PRKN: variants seen among roughly 807,000 people sequenced by gnomAD.
PRKN encodes E3 ubiquitin-protein ligase parkin.
In PRKN, 56 loss-of-function variants were observed where a neutral mutation model predicts 59.5. The ratio of observed to expected loss-of-function variants is 0.94; its 90% CI spans 0.76 to 1.18. The LOEUF is 1.18. Among genes scored for constraint, PRKN ranks in the 50% most tolerant of loss-of-function variants. PRKN has a pLI of 0.00. For missense variants in PRKN, 657 were observed against 596.4 expected (o/e 1.10, Z -1.06); for synonymous variants, 250 against 222.1 (o/e 1.13, Z -1.12).
intron 2 of PRKN, 89 bp downstream of exon 2, chr6:162,443,221 T>G: frequency 7.5e-7 from 1 of 1,328,942 alleles, no homozygotes. Context: ...TTCTATTAGA[T>G]CTCAGGCATG....
chr6:162,365,705 C>T (rs1034429896), intron 2 of PRKN, among the ~76,000 whole-genome samples: 2 of 152,094 alleles, frequency 1.3e-5, no homozygotes, highest in Non-Finnish European at 2.9e-5. Context: ...TTCTAGAGCT[C>T]CTGTTCTACA....
intron 9 of PRKN, among the ~76,000 whole-genome samples, chr6:161,430,464 A>C (rs1373796318): frequency 6.6e-6 from 1 of 152,214 alleles, no homozygotes; most frequent in Non-Finnish European, 1.5e-5. Flanking sequence ...GATTGTCAGT[A>C]AATGCACTGC....
intron 10 of PRKN, among the ~76,000 whole-genome samples, chr6:161,365,662 C>T (rs6942109): frequency 0.44 from 66,656 of 152,004 alleles, 16,129 homozygotes; most frequent in African/African-American, 0.64. Flanking sequence ...CTCTGACTTC[C>T]GATCCCCCGA....
intron 2 of PRKN, among the ~76,000 whole-genome samples, chr6:162,300,247 G>C (rs561412681): frequency 3.4e-5 from 5 of 146,026 alleles, no homozygotes; most frequent in African/African-American, 1.3e-4. Context: ...TCTGAACACA[G>C]TGGCTTTTCT....
chr6:162,694,209 T>C (rs1777884981), intron 1 of PRKN, among the ~76,000 whole-genome samples: 1 of 130,366 alleles, frequency 7.7e-6, no homozygotes, highest in South Asian at 2.4e-4. Context: ...ATCGTGCCAC[T>C]GCACTCCAGC....
At chr6:161,431,818 G>A (rs545707600) in intron 9 of PRKN, among the ~76,000 whole-genome samples, 1 of 152,154 alleles carries the variant, frequency 6.6e-6, no homozygotes, top group South Asian at 2.1e-4. Context: ...TCACCATATT[G>A]GCCAGGCTGG....
chr6:161,648,801 A>G (rs1363421992), intron 7 of PRKN, among the ~76,000 whole-genome samples: 1 of 152,212 alleles, frequency 6.6e-6, no homozygotes, highest in African/African-American at 2.4e-5. Flanking sequence ...ATTTCACAGA[A>G]TGTCACAGTG....
intron 9 of PRKN, among the ~76,000 whole-genome samples, chr6:161,432,260 T>C (rs1788678233): frequency 6.6e-6 from 1 of 152,210 alleles, no homozygotes; most frequent in Non-Finnish European, 1.5e-5. Flanking sequence ...ATAACTCATC[T>C]TGCAAGATAG....
chr6:162,521,788 A>C (rs141978316), intron 1 of PRKN, among the ~76,000 whole-genome samples: 246 of 152,282 alleles, frequency 1.6e-3, no homozygotes, highest in Middle Eastern at 3.4e-3. Flanking sequence ...ACAAAATATT[A>C]TATGGTTCAA....
intron 6 of PRKN, among the ~76,000 whole-genome samples, chr6:161,920,955 A>G (rs1187768954): frequency 6.6e-6 from 1 of 152,090 alleles, no homozygotes; most frequent in Non-Finnish European, 1.5e-5. Flanking sequence ...GTTACACTAA[A>G]TGTATACAAC....
In PRKN at chr6:162,101,749, T is replaced by C. The variant is rs572371497; in HGVS notation, c.535-47575A>G. Among the ~76,000 whole-genome samples, 44 of 152,250 alleles carry C rather than the reference T, an allele frequency of 2.9e-4. No homozygotes were observed. In the South Asian group the frequency reaches 6.6e-3, roughly 23 times the overall value. ...GAGATACTATAACTCTCTATATCTC[T>C]AGAGATACTCTAACTATGTGGTATA... is the stretch of plus-strand genomic sequence containing the variant. On this transcript the variant is annotated intron_variant, in intron 4 of 11. Coordinates refer to ENST00000366898, the MANE Select transcript of PRKN (RefSeq NM_004562.3).
intron 7 of PRKN, among the ~76,000 whole-genome samples, chr6:161,746,803 G>T (rs1442096215): frequency 7.1e-6 from 1 of 140,608 alleles, no homozygotes; most frequent in African/African-American, 3.0e-5. Flanking sequence ...GATATGCACA[G>T]ACATATATAT....
chr6:161,763,530 T>C (rs565496850), intron 7 of PRKN, among the ~76,000 whole-genome samples: 5 of 152,036 alleles, frequency 3.3e-5, no homozygotes, highest in Non-Finnish European at 7.4e-5. Flanking sequence ...TAGTGGGTGA[T>C]TTCCTCAGCG....
chr6:161,753,064 T>A (rs901985978), intron 7 of PRKN, among the ~76,000 whole-genome samples: 4 of 152,188 alleles, frequency 2.6e-5, no homozygotes, highest in Non-Finnish European at 5.9e-5. Flanking sequence ...AAGTTTGAGA[T>A]GCCTTTGAGA....
intron 2 of PRKN, among the ~76,000 whole-genome samples, chr6:162,403,443 GTTTTAT>G (rs1223598303): frequency 1.3e-5 from 2 of 152,142 alleles, no homozygotes; most frequent in African/African-American, 2.4e-5. Context: ...TCCCCAGCGA[GTTTTAT>G]TTTTATCTAC....
chr6:162,032,960 A>G (rs559701825), intron 5 of PRKN, among the ~76,000 whole-genome samples: 27 of 152,308 alleles, frequency 1.8e-4, no homozygotes, highest in African/African-American at 6.5e-4. Flanking sequence ...GGACTGTAAT[A>G]TCCAAGAAGC....
intron 2 of PRKN, among the ~76,000 whole-genome samples, chr6:162,271,016 G>GTTTTTTTTTTT (rs61368267): frequency 8.3e-5 from 9 of 108,254 alleles, no homozygotes; most frequent in African/African-American, 2.3e-4. Flanking sequence ...TAATTTTCTA[G>GTTTTTTTTTTT]TTTTTTTTTT....
chr6:161,717,478 A>G (rs1331479684), intron 7 of PRKN, among the ~76,000 whole-genome samples: 6 of 152,154 alleles, frequency 3.9e-5, no homozygotes, highest in Non-Finnish European at 8.8e-5. Flanking sequence ...TTCAAGACAC[A>G]TCTGTGTTCT....
chr6:162,696,018 G>A (rs1476064724), intron 1 of PRKN, among the ~76,000 whole-genome samples: 2 of 151,992 alleles, frequency 1.3e-5, no homozygotes, highest in African/African-American at 2.4e-5. Context: ...AAAAGTAAAC[G>A]AGCTCTGACT....
Sources: allele counts gnomAD v4.1 joint callset (sites outside exome capture counted in the v4.1 genomes callset), GRCh38; gene constraint gnomAD v4.1.1; transcripts MANE v1.5; gene names NCBI Gene and HGNC (gene_info 2026-07-23, HGNC 2026-07-21).